Variants in MAGI1 observed in about 807,000 individuals in gnomAD.
MAGI1 encodes membrane associated guanylate kinase, WW and PDZ domain containing 1.
In MAGI1, 58 loss-of-function variants were observed where a neutral mutation model predicts 139.9. That is an observed-to-expected ratio of 0.41 (90% confidence interval 0.34 to 0.52). The LOEUF (loss-of-function observed/expected upper bound fraction) is 0.52, where lower values mean the gene tolerates loss of function less well. MAGI1 is among the 20% of genes least tolerant of loss of function. The pLI is 0.12. For synonymous variants in MAGI1, 812 were observed against 737.9 expected, an observed-to-expected ratio of 1.10 and a Z score of -1.63; for missense variants, 1,874 against 1,901.6, an observed-to-expected ratio of 0.99 and a Z score of 0.27.
intron 14 of MAGI1, among the ~76,000 whole-genome samples, chr3:65,388,444 C>T (rs1943622541): frequency 6.6e-6 from 1 of 152,026 alleles, no homozygotes; most frequent in Non-Finnish European, 1.5e-5. Flanking sequence ...GGCAGGGAAT[C>T]ACATCTAACA....
intron 2 of MAGI1, among the ~76,000 whole-genome samples, chr3:65,572,726 T>C (rs562799541): frequency 2.6e-5 from 4 of 152,166 alleles, no homozygotes; most frequent in Admixed American, 6.6e-5. Context: ...TATAACAATA[T>C]TGTCCCATAA....
At chr3:65,663,669 T>G (rs1576643075) in intron 1 of MAGI1, among the ~76,000 whole-genome samples, 1 of 152,180 alleles carries the variant, frequency 6.6e-6, no homozygotes, top group Admixed American at 6.5e-5. Context: ...GTGGCAGCCC[T>G]TGGGGAGCCT....
At chr3:65,387,810 A>T (rs1371314815) in intron 14 of MAGI1, among the ~76,000 whole-genome samples, 1 of 152,270 alleles carries the variant, frequency 6.6e-6, no homozygotes, top group Non-Finnish European at 1.5e-5. Context: ...TCTTAAGCTC[A>T]CTATGATAAA....
At chr3:65,971,474 G>A (rs1228096813) in intron 1 of MAGI1, among the ~76,000 whole-genome samples, 6 of 152,230 alleles carry the variant, frequency 3.9e-5, no homozygotes, top group East Asian at 3.9e-4. Context: ...CAACATTCTC[G>A]TTAAATTTCC....
chr3:65,695,671 T>C (rs1287611524), intron 1 of MAGI1, among the ~76,000 whole-genome samples: 3 of 152,164 alleles, frequency 2.0e-5, no homozygotes, highest in Admixed American at 2.0e-4. Flanking sequence ...TAGACCTCTT[T>C]TAAGGAGAGA....
intron 1 of MAGI1, among the ~76,000 whole-genome samples, chr3:65,652,766 G>A (rs909578031): frequency 1.3e-5 from 2 of 152,134 alleles, no homozygotes; most frequent in Non-Finnish European, 2.9e-5. Flanking sequence ...GCCATGGCGA[G>A]GCTTTACAGG....
At chr3:65,919,179 C>G (rs184181324) in intron 1 of MAGI1, among the ~76,000 whole-genome samples, 1 of 152,160 alleles carries the variant, frequency 6.6e-6, no homozygotes, top group African/African-American at 2.4e-5. Context: ...TTTGAGGGAG[C>G]TTTCCCCCCA....
At chr3:65,891,868 CCTAGAACTTAAA>C (rs2060764915) in intron 1 of MAGI1, among the ~76,000 whole-genome samples, 1 of 110,716 alleles carries the variant, frequency 9.0e-6, no homozygotes, top group Non-Finnish European at 1.8e-5. Context: ...GCAAATGTAC[CCTAGAACTTAAA>C]GTATAATATA....
chr3:65,431,808 A>C (rs1409007767), intron 10 of MAGI1, among the ~76,000 whole-genome samples: 1 of 151,818 alleles, frequency 6.6e-6, no homozygotes, highest in Non-Finnish European at 1.5e-5. Flanking sequence ...CAACATAGTG[A>C]AATCCTGTCT....
intron 14 of MAGI1, among the ~76,000 whole-genome samples, chr3:65,384,966 C>T (rs1943336829): frequency 6.6e-6 from 1 of 152,092 alleles, no homozygotes. Context: ...CCAAAATCAG[C>T]CAGGCCTCCA....
intron 1 of MAGI1, among the ~76,000 whole-genome samples, chr3:65,930,643 C>A (rs140420089): frequency 3.3e-5 from 5 of 152,116 alleles, no homozygotes; most frequent in African/African-American, 1.2e-4. Context: ...TTGGTCGGCA[C>A]AAGAAACAGG....
Position 65,415,006 on chromosome 3 carries a change from GA to G in MAGI1, c.2168-13537del, listed in dbSNP as rs60772625. Among the ~76,000 whole-genome samples the G allele has an allele frequency of 1.2e-3, 124 of 105,604 alleles. 1 individual carries two copies. Among genetic ancestry groups the G allele is most frequent in the African/African-American group, 3.6e-3 (88 of 24,580 alleles). 69.3% of individuals were successfully genotyped at this position (105,604 alleles called of 152,430 possible). A position where few individuals can be genotyped will look rare whatever the true frequency, so the allele number is the denominator to read the frequency against. ...ATCATGCCATTGCACTCCAGCCTGG[GA>G]AAAAAAAAAAAACAAAAAAAAAAAA... On this transcript the variant is annotated intron_variant, in intron 12 of 22. Transcript: ENST00000402939.
Position 65,359,099 on chromosome 3 carries a change from C to T in MAGI1, c.3635-1967G>A, listed in dbSNP as rs1940510705. The T allele has an allele frequency of 3.1e-6, 5 of 1,614,016 alleles. No individual in the cohort carries two copies. In the East Asian group the frequency reaches 1.1e-4, roughly 36 times the overall value. On this transcript the variant is annotated intron_variant, in intron 22 of 22. Transcript: ENST00000402939. Reference sequence around the variant, plus strand: ...TTATGGCCCATAAGGTAGAAGCAAGCCTCCCCGAGCTTTTCATTTCTCATA... The same window carrying T: ...TTATGGCCCATAAGGTAGAAGCAAGTCTCCCCGAGCTTTTCATTTCTCATA...
chr3:65,524,112 G>C (rs2078280198), intron 2 of MAGI1, among the ~76,000 whole-genome samples: 2 of 152,140 alleles, frequency 1.3e-5, no homozygotes, highest in Admixed American at 1.3e-4. Context: ...AAGGTAGGAA[G>C]GAAGAATGAA....
chr3:65,434,206 C>T (rs1345433260), intron 10 of MAGI1, among the ~76,000 whole-genome samples: 2 of 152,130 alleles, frequency 1.3e-5, no homozygotes, highest in African/African-American at 4.8e-5. Flanking sequence ...AACCTCTCTG[C>T]CTGAGTATCA....
At chr3:65,661,219 A>G (rs559489179) in intron 1 of MAGI1, among the ~76,000 whole-genome samples, 1 of 152,268 alleles carries the variant, frequency 6.6e-6, no homozygotes, top group Non-Finnish European at 1.5e-5. Flanking sequence ...TCCCTAGTCT[A>G]AAATCTAGAA....
At chr3:65,483,608 C>T (rs932261739) in intron 3 of MAGI1, among the ~76,000 whole-genome samples, 1 of 152,218 alleles carries the variant, frequency 6.6e-6, no homozygotes, top group African/African-American at 2.4e-5. Flanking sequence ...GTCTAGGAGC[C>T]GTGAGGCTGA....
At chr3:65,707,788 TACAC>T (rs1239523270) in intron 1 of MAGI1, among the ~76,000 whole-genome samples, 2 of 152,140 alleles carry the variant, frequency 1.3e-5, no homozygotes, top group African/African-American at 4.8e-5. Flanking sequence ...CTATGGATTT[TACAC>T]ACCCTCTCAA....
At position 65,443,236 on chromosome 3, in the gene MAGI1, A is replaced by C. The variant is rs139661774; in HGVS notation, c.1079-387T>G. On this transcript the variant is annotated intron_variant, in intron 7 of 22. Transcript: ENST00000402939. ...TTATTACACAAGCAAAAATGGATGAAAATTAATGTTTCATTTTCAGTACAA... is the reference window on the plus strand; with the variant it reads ...TTATTACACAAGCAAAAATGGATGACAATTAATGTTTCATTTTCAGTACAA... Among the ~76,000 whole-genome samples the C allele has an allele frequency of 9.0e-4, 137 of 152,286 alleles. 1 individual carries two copies. The highest frequency in any genetic ancestry group is 4.6e-3 in the South Asian group (22 of 4,822).
Sources: allele counts gnomAD v4.1 joint callset (sites outside exome capture counted in the v4.1 genomes callset), GRCh38; gene constraint gnomAD v4.1.1; transcripts MANE v1.5; gene names NCBI Gene and HGNC (gene_info 2026-07-23, HGNC 2026-07-21).